Variants in KIAA0232 observed in about 807,000 individuals in gnomAD.
KIAA0232 encodes uncharacterized protein KIAA0232.
In KIAA0232, 27 loss-of-function variants were observed where a neutral mutation model predicts 122.0. The observed-to-expected ratio is 0.22, with a 90% CI of 0.16 to 0.31. The LOEUF (loss-of-function observed/expected upper bound fraction) is 0.31. Among genes scored for constraint, KIAA0232 ranks in the 10% least tolerant of loss-of-function variants. KIAA0232 has a pLI of 1.00. For missense variants in KIAA0232, 1,551 were observed against 1,634.2 expected, an observed-to-expected ratio of 0.95 and a Z score of 0.88; for synonymous variants, 613 against 587.6, an observed-to-expected ratio of 1.04 and a Z score of -0.63.
intron 3 of KIAA0232, among the ~76,000 whole-genome samples, chr4:6,833,473 T>A (rs1477400852): frequency 6.6e-6 from 1 of 151,838 alleles, no homozygotes; most frequent in Non-Finnish European, 1.5e-5. Flanking sequence ...CTACAAATAA[T>A]ACAAAAATTA....
At chr4:6,878,379 T>TCATATATA (rs57525303) in intron 9 of KIAA0232, among the ~76,000 whole-genome samples, 22,219 of 149,268 alleles carry the variant, frequency 0.15, 2,108 homozygotes, top group East Asian at 0.5. Flanking sequence ...CATCATTCAT[T>TCATATATA]CATACATACA....
At chr4:6,819,422 A>G (rs534842728) in intron 2 of KIAA0232, among the ~76,000 whole-genome samples, 2 of 152,248 alleles carry the variant, frequency 1.3e-5, no homozygotes, top group South Asian at 4.2e-4. Context: ...GAAAAAAAAG[A>G]CCCCACTAAA....
intron 3 of KIAA0232, among the ~76,000 whole-genome samples, chr4:6,831,204 C>T (rs369843462): frequency 1.3e-3 from 196 of 152,068 alleles, no homozygotes; most frequent in East Asian, 7.4e-3. Context: ...TACAGGTGCG[C>T]GCCACCACGC....
rs570307947 is a variant in KIAA0232, at chr4:6,883,920, C to G, written c.*2954C>G. 2 of 152,230 alleles carry G rather than the reference C, an allele frequency of 1.3e-5. No homozygotes were observed. The highest frequency in any genetic ancestry group is 2.4e-5 in the African/African-American group (1 of 41,548). 9.4% of individuals were successfully genotyped at this position (152,230 alleles called of 1,614,324 possible). ...TCAAGAGTGTACTATACTTGTTCTT[C>G]TATAACATCAGAAATAGGTTTTTAC... is the stretch of plus-strand genomic sequence containing the variant. On this transcript the variant is annotated 3_prime_UTR_variant, in exon 10 of 10. Coordinates refer to ENST00000307659, the MANE Select transcript of KIAA0232 (RefSeq NM_014743.3).
Position 6,824,445 on chromosome 4 carries a change from C to T in KIAA0232, c.-9C>T, listed in dbSNP as rs1577374864. The stretch of plus-strand genomic sequence containing the variant: ...CTTCACATTTTAAGGATGTCGGCAA[C>T]CTAAATTCATGTACCCTATCTGTAC... On this transcript the variant is annotated 5_prime_UTR_variant, in exon 3 of 10. Transcript: ENST00000307659. 1.2e-6 allele frequency: 2 copies of T among 1,610,952 alleles called. No homozygotes were observed. The highest frequency in any genetic ancestry group is 1.7e-6 in the Non-Finnish European group (2 of 1,177,088).
intron 4 of KIAA0232, 70 bp downstream of exon 4, chr4:6,842,274 C>A: frequency 6.8e-7 from 1 of 1,463,278 alleles, no homozygotes; most frequent in Non-Finnish European, 9.2e-7. Context: ...ACAAATATGA[C>A]AACTTGACCT....
intron 3 of KIAA0232, among the ~76,000 whole-genome samples, chr4:6,829,646 T>G (rs1718867600): frequency 6.6e-6 from 1 of 152,224 alleles, no homozygotes; most frequent in African/African-American, 2.4e-5. Flanking sequence ...GTGAATGGCA[T>G]GGCAGTGTGC....
intron 3 of KIAA0232, among the ~76,000 whole-genome samples, chr4:6,828,830 G>A (rs997114065): frequency 6.6e-6 from 1 of 152,092 alleles, no homozygotes; most frequent in African/African-American, 2.4e-5. Context: ...GAGTAAACTA[G>A]CATGTACTTT....
At chr4:6,818,685 C>T (rs1353859529) in intron 2 of KIAA0232, among the ~76,000 whole-genome samples, 1 of 151,510 alleles carries the variant, frequency 6.6e-6, no homozygotes, top group Non-Finnish European at 1.5e-5. Flanking sequence ...CATCAAACTA[C>T]TAATGTCATT....
chr4:6,861,732 C>T lies in KIAA0232; in HGVS notation c.1350C>T (p.Ile450=), dbSNP rs761991806. 1 of 1,614,114 alleles carries T rather than the reference C, an allele frequency of 6.2e-7. No individual in the cohort carries two copies. The highest frequency in any genetic ancestry group is 2.2e-5 in the East Asian group (1 of 44,884). ...ELSESVHGLC[I]SNNNLHKTYL... ...CTGAATCAGTGCATGGTCTTTGTAT[C>T]AGCAACAATAATCTTCATAAAACAT... The change falls in exon 7 of 10, where the codon ATC becomes ATT. Residue 450 remains isoleucine (I), a synonymous_variant. Coordinates refer to ENST00000307659, the MANE Select transcript of KIAA0232 (RefSeq NM_014743.3).
chr4:6,803,002 T>A (rs899078190), intron 1 of KIAA0232, among the ~76,000 whole-genome samples: 1 of 139,638 alleles, frequency 7.2e-6, no homozygotes, highest in Non-Finnish European at 1.5e-5. Flanking sequence ...CAACATACTC[T>A]GTCTTGACCA....
Position 6,798,324 on chromosome 4 carries a change from G to A in KIAA0232, c.-353-6199G>A, listed in dbSNP as rs553500384. ...GCTCAGATGTTGATTAAATGAACAA[G>A]GAATAAAATAACTATAGAGAGCCTA... On this transcript the variant is annotated intron_variant, in intron 1 of 9. Transcript: ENST00000307659. Among the ~76,000 whole-genome samples, 3 of 152,252 alleles carry A rather than the reference G, an allele frequency of 2.0e-5. No homozygotes were observed. In the South Asian group the frequency reaches 6.2e-4, roughly 32 times the overall value.
At position 6,861,808 on chromosome 4, in the gene KIAA0232, G is replaced by A. The variant is rs1354108701; in HGVS notation, c.1426G>A (p.Val476Ile). The change falls in exon 7 of 10, where the codon GTT (valine) becomes ATT (isoleucine). Residue 476 changes from valine (V) to isoleucine (I), a missense_variant. This residue lies in a region of KIAA0232 where 1,108 missense variants were observed against 1,154.8 expected (regional missense o/e 0.96). Coordinates refer to ENST00000307659, the MANE Select transcript of KIAA0232 (RefSeq NM_014743.3). Reference sequence around the variant, plus strand: ...TGGTCATTTTGTAGAAATGCCTGCAGTTATAAATGAGGATATTGACCTCAC... The same window carrying A: ...TGGTCATTTTGTAGAAATGCCTGCAATTATAAATGAGGATATTGACCTCAC... ...IDGHFVEMPAVINEDIDLTGT... is the reference protein window; with the variant it reads ...IDGHFVEMPAIINEDIDLTGT... 1 of 1,613,976 alleles carries A rather than the reference G, an allele frequency of 6.2e-7. No homozygotes were observed. The highest frequency in any genetic ancestry group is 8.5e-7 in the Non-Finnish European group (1 of 1,180,002).
At chr4:6,846,411 C>T (rs907501265) in intron 4 of KIAA0232, among the ~76,000 whole-genome samples, 10 of 152,122 alleles carry the variant, frequency 6.6e-5, no homozygotes, top group Admixed American at 3.3e-4. Flanking sequence ...GCCTGAGCTC[C>T]GCCTCAGATC....
intron 2 of KIAA0232, among the ~76,000 whole-genome samples, chr4:6,817,627 TG>T (rs1718197065): frequency 6.6e-6 from 1 of 152,202 alleles, no homozygotes; most frequent in Admixed American, 6.5e-5. Context: ...CATGTATGAT[TG>T]AATTCTTTTA....
chr4:6,825,572 C>CGAGAGAGAGA (rs111362007), intron 3 of KIAA0232, among the ~76,000 whole-genome samples: 3 of 147,186 alleles, frequency 2.0e-5, no homozygotes, highest in Admixed American at 6.8e-5. Flanking sequence ...CACGCATACA[C>CGAGAGAGAGA]GAGAGAGAGA....
At chr4:6,860,799 C>A (rs1720810753) in intron 6 of KIAA0232, 102 bp from the exon 7 acceptor site, 1 of 973,702 alleles carries the variant, frequency 1.0e-6, no homozygotes, top group Non-Finnish European at 1.6e-6. Flanking sequence ...AATGTTGACA[C>A]TACTAAAATG....
intron 9 of KIAA0232, among the ~76,000 whole-genome samples, chr4:6,878,379 T>TCATACATACATACATACATACATA (rs112843703): frequency 1.3e-5 from 2 of 149,198 alleles, no homozygotes; most frequent in Non-Finnish European, 3.0e-5. Context: ...CATCATTCAT[T>TCATACATACATACATACATACATA]CATACATACA....
intron 4 of KIAA0232, among the ~76,000 whole-genome samples, chr4:6,851,338 T>G (rs765477627): frequency 2.6e-5 from 4 of 152,296 alleles, no homozygotes; most frequent in Admixed American, 6.5e-5. Context: ...GAAGTTTACT[T>G]GTTAGATATC....
Sources: gnomAD v4.1 joint callset for allele counts (sites outside exome capture counted in the v4.1 genomes callset) on GRCh38, gnomAD v4.1.1 for gene constraint, gnomAD v4.1.1 regional missense constraint, MANE v1.5 for transcripts, NCBI Gene and HGNC (gene_info 2026-07-23, HGNC 2026-07-21) for gene names.